CEP112: variants seen among roughly 807,000 people sequenced by gnomAD.
CEP112 encodes centrosomal protein of 112 kDa.
CEP112 carries 127 observed loss-of-function variants against 153.0 expected under a neutral mutation model. That is an observed-to-expected ratio of 0.83 (90% CI 0.72 to 0.96). The LOEUF is 0.96. CEP112 is among the 40% of genes least tolerant of loss of function. The pLI, the probability that CEP112 is intolerant of heterozygous loss-of-function variation, is 0.00. For missense variants in CEP112, 1,089 were observed against 1,101.2 expected (o/e 0.99, Z 0.16); for synonymous variants, 358 against 374.4 (o/e 0.96, Z 0.51).
At chr17:66,109,746 C>A (rs1170028807) in intron 6 of CEP112, among the ~76,000 whole-genome samples, 1 of 152,018 alleles carries the variant, frequency 6.6e-6, no homozygotes, top group Non-Finnish European at 1.5e-5. Context: ...AGAATTTCAA[C>A]AGGGTTTTTG....
At chr17:65,745,767 T>A (rs2051412784) in intron 22 of CEP112, among the ~76,000 whole-genome samples, 1 of 152,084 alleles carries the variant, frequency 6.6e-6, no homozygotes, top group Non-Finnish European at 1.5e-5. Context: ...ATTTTTAAAG[T>A]ACAAAGTAAT....
chr17:66,038,110 A>AAAAAG lies in CEP112; in HGVS notation c.1219-8092_1219-8088dup, dbSNP rs1555778645. Among the ~76,000 whole-genome samples the AAAAAG allele has an allele frequency of 1.6e-3, 190 of 120,250 alleles. 1 individual carries two copies. The highest frequency in any genetic ancestry group is 4.4e-3 in the Middle Eastern group (1 of 226). The allele number at this position is 120,250 out of a possible 152,430, so 78.9% of individuals were successfully genotyped here. On this transcript the variant is annotated intron_variant, in intron 12 of 26. Transcript: ENST00000535342. ...AGCAAGACTCTGTCTCAAAAAAAAA[A>AAAAAG]AAAAGAAAAGAAAAGAAAAGAAAAA... is the stretch of plus-strand genomic sequence containing the variant.
intron 12 of CEP112, among the ~76,000 whole-genome samples, chr17:66,034,960 A>T (rs2065650973): frequency 1.0e-5 from 1 of 95,804 alleles, no homozygotes; most frequent in Non-Finnish European, 2.1e-5. Flanking sequence ...CACCATGCCC[A>T]GCTAAGTTTT....
chr17:66,025,086 T>A (rs182043138), intron 16 of CEP112, among the ~76,000 whole-genome samples: 1 of 152,122 alleles, frequency 6.6e-6, no homozygotes, highest in Non-Finnish European at 1.5e-5. Context: ...AATTACCATA[T>A]GCAGAAGAAT....
intron 16 of CEP112, among the ~76,000 whole-genome samples, chr17:66,008,026 T>C (rs2064347130): frequency 1.3e-5 from 2 of 152,182 alleles, no homozygotes; most frequent in African/African-American, 4.8e-5. Flanking sequence ...TCTGACAGAT[T>C]GACACATAGA....
rs117650419 is a variant in CEP112 at position 65,954,486 on chromosome 17, C to G, written c.1872+6977G>C. Among the ~76,000 whole-genome samples the G allele has an allele frequency of 5.5e-3, 838 of 152,138 alleles. 6 individuals carry two copies. The highest frequency in any genetic ancestry group is 8.0e-3 in the Non-Finnish European group (545 of 67,988). On this transcript the variant is annotated intron_variant, in intron 18 of 26. Transcript: ENST00000535342. ...CCTCCAAGAGATCATACCACCTCAC[C>G]AGCAATGGATCCAAGCCAAGATGAA...
chr17:66,168,467 GTGTATATATGTATATATGTGTGTGTGTA>G, intron 4 of CEP112, among the ~76,000 whole-genome samples: 2 of 150,960 alleles, frequency 1.3e-5, no homozygotes, highest in Middle Eastern at 7.0e-3. Flanking sequence ...GTATATGTGT[GTGTATATATGTATATATGTGTGTGTGTA>G]TATATATGTA....
chr17:66,132,642 A>T (rs229854), intron 5 of CEP112, 28 bp downstream of exon 5: 417,725 of 1,522,544 alleles, frequency 0.27, 72,762 homozygotes, highest in East Asian at 0.84. Flanking sequence ...ACAAGCAAAA[A>T]CCAAACAAAA....
rs1399276706 is a variant in CEP112, at chr17:65,649,069, AACAAACACACACACAC to A, written c.2698-8020_2698-8005del. 1.7e-3 allele frequency among the ~76,000 whole-genome samples: 70 copies of A among 41,788 alleles called. No homozygotes were observed. The South Asian group carries it at 0.063, about 37-fold the overall frequency. 27.4% of individuals were successfully genotyped at this position (41,788 alleles called of 152,430 possible). ...CTGTCTCAAAACAAACAAACAAACA[AACAAACACACACACAC>A]ACACACACACACACACACACACACA... is the stretch of plus-strand genomic sequence containing the variant. On this transcript the variant is annotated intron_variant, in intron 24 of 26. Transcript: ENST00000535342.
chr17:65,746,953 AAAG>A (rs1032923697), intron 22 of CEP112, among the ~76,000 whole-genome samples: 51 of 152,172 alleles, frequency 3.4e-4, no homozygotes, highest in Non-Finnish European at 5.3e-4. Flanking sequence ...TCAGAAACAA[AAAG>A]GAGAGCTATT....
At position 66,126,735 on chromosome 17, in the gene CEP112, A is replaced by AAAAT. The variant is rs1203980379; in HGVS notation, c.642+3007_642+3010dup. Among the ~76,000 whole-genome samples, 3 of 152,184 alleles carry AAAAT rather than the reference A, an allele frequency of 2.0e-5. No individual in the cohort carries two copies. The East Asian group carries it at 5.8e-4, about 29-fold the overall frequency. On this transcript the variant is annotated intron_variant, in intron 6 of 26. Transcript: ENST00000535342. ...TACATTTGGGAATTTGATTTCTGGG[A>AAAAT]AAATAAAGAATATATTTGGGAAAAA...
At chr17:65,877,586 G>C (rs2058880969) in intron 20 of CEP112, among the ~76,000 whole-genome samples, 1 of 152,046 alleles carries the variant, frequency 6.6e-6, no homozygotes, top group Non-Finnish European at 1.5e-5. Flanking sequence ...TCTATTTCTA[G>C]AATAACCCAA....
intron 24 of CEP112, among the ~76,000 whole-genome samples, chr17:65,647,792 G>A (rs551280091): frequency 2.6e-4 from 40 of 152,006 alleles, no homozygotes; most frequent in African/African-American, 9.2e-4. Context: ...TTTTGCTACT[G>A]CTTTTCTATC....
intron 4 of CEP112, among the ~76,000 whole-genome samples, chr17:66,173,270 C>A (rs2072321117): frequency 6.6e-6 from 1 of 152,128 alleles, no homozygotes; most frequent in Non-Finnish European, 1.5e-5. Context: ...GGGGGGTAAC[C>A]AAGCACTACT....
intron 17 of CEP112, among the ~76,000 whole-genome samples, chr17:65,972,237 G>T (rs571201331): frequency 2.6e-5 from 4 of 152,116 alleles, no homozygotes; most frequent in Non-Finnish European, 4.4e-5. Context: ...ATCAATAAAA[G>T]AAAGATATCT....
chr17:65,898,455 T>C (rs1485956526), intron 20 of CEP112, among the ~76,000 whole-genome samples: 2 of 152,142 alleles, frequency 1.3e-5, no homozygotes, highest in Non-Finnish European at 2.9e-5. Flanking sequence ...AAAACTTTTT[T>C]CTAAGTAGAA....
intron 6 of CEP112, among the ~76,000 whole-genome samples, chr17:66,119,018 A>G (rs1213977554): frequency 6.6e-6 from 1 of 152,196 alleles, no homozygotes; most frequent in Admixed American, 6.5e-5. Flanking sequence ...GCAGCCATAA[A>G]AAGAAAAAAG....
chr17:65,649,776 T>C (rs1317561703), intron 24 of CEP112, among the ~76,000 whole-genome samples: 2 of 151,572 alleles, frequency 1.3e-5, no homozygotes, highest in Non-Finnish European at 2.9e-5. Flanking sequence ...CAAGCATTTC[T>C]GGGGGCAGTT....
intron 23 of CEP112, among the ~76,000 whole-genome samples, chr17:65,706,159 A>G (rs1034324788): frequency 6.6e-6 from 1 of 152,242 alleles, no homozygotes; most frequent in Non-Finnish European, 1.5e-5. Flanking sequence ...CATTTTATGT[A>G]CAGTAAAATG....
Sources: gnomAD v4.1 joint callset for allele counts (sites outside exome capture counted in the v4.1 genomes callset) on GRCh38, gnomAD v4.1.1 for gene constraint, MANE v1.5 for transcripts, NCBI Gene and HGNC (gene_info 2026-07-23, HGNC 2026-07-21) for gene names.